The following STRN variants were observed in gnomAD, a reference collection of about 807,000 sequenced individuals.
The protein encoded by STRN is striatin.
In STRN, 53 loss-of-function variants were observed where a neutral mutation model predicts 96.3. That is an observed-to-expected ratio of 0.55 (90% confidence interval 0.44 to 0.69). The LOEUF (loss-of-function observed/expected upper bound fraction) is 0.69. Ranked by LOEUF, STRN falls within the 30% of genes least tolerant of loss-of-function variation. The pLI, the probability that STRN is intolerant of heterozygous loss-of-function variation, is 0.00. For synonymous variants in STRN, 428 were observed against 355.9 expected (o/e 1.20, Z -2.28); for missense variants, 987 against 963.9 (o/e 1.02, Z -0.32).
At chr2:36,855,053 A>G (rs1668310054) in intron 15 of STRN, among the ~76,000 whole-genome samples, 159 bp downstream of exon 15, 1 of 152,218 alleles carries the variant, frequency 6.6e-6, no homozygotes, top group African/African-American at 2.4e-5. Flanking sequence ...CCAAATTCTT[A>G]AAAGGTAAAT....
chr2:36,881,367 A>G (rs1193615168), intron 9 of STRN, among the ~76,000 whole-genome samples: 1 of 152,068 alleles, frequency 6.6e-6, no homozygotes. Context: ...GCCTCAAGTG[A>G]TCTGCCCACC....
chr2:36,948,495 CT>C (rs1386154135), intron 1 of STRN, among the ~76,000 whole-genome samples: 1 of 152,006 alleles, frequency 6.6e-6, no homozygotes, highest in Admixed American at 6.6e-5. Flanking sequence ...TAAATTTGGC[CT>C]TCTGTTAATT....
intron 1 of STRN, among the ~76,000 whole-genome samples, chr2:36,948,332 T>G (rs899937518): frequency 2.6e-5 from 4 of 151,928 alleles, no homozygotes; most frequent in African/African-American, 9.7e-5. Flanking sequence ...ACTCCTGACC[T>G]CAGGTGATCC....
In STRN at chr2:36,841,161, ATTCTT is replaced by A. The variant is rs1421918086; in HGVS notation, c.*8290_*8294del. Reference sequence around the variant, plus strand: ...TACAGCAATGAGAAATAAGGAGCACATTCTTTTTTTTTTTTTTTAATCAAATCGAT... The same window carrying A: ...TACAGCAATGAGAAATAAGGAGCACATTTTTTTTTTTTTAATCAAATCGAT... On this transcript the variant is annotated 3_prime_UTR_variant, in exon 18 of 18. Transcript: ENST00000263918. 1 of 141,296 alleles carries A rather than the reference ATTCTT, an allele frequency of 7.1e-6. No individual in the cohort carries two copies. The highest frequency in any genetic ancestry group is 2.6e-5 in the African/African-American group (1 of 38,602). The allele number at this position is 141,296 out of a possible 1,614,324, so 8.8% of individuals were successfully genotyped here.
intron 2 of STRN, among the ~76,000 whole-genome samples, chr2:36,924,248 T>G (rs1572678368): frequency 6.7e-6 from 1 of 149,002 alleles, no homozygotes; most frequent in Non-Finnish European, 1.5e-5. Context: ...CCCAGCTACT[T>G]GGGAGGCTGA....
At chr2:36,897,932 C>T (rs927208474) in intron 6 of STRN, among the ~76,000 whole-genome samples, 1 of 151,970 alleles carries the variant, frequency 6.6e-6, no homozygotes, top group Non-Finnish European at 1.5e-5. Context: ...CTCAAGTGAT[C>T]CTCCCACTTC....
chr2:36,933,497 T>C (rs191981921), intron 1 of STRN, among the ~76,000 whole-genome samples: 19 of 152,318 alleles, frequency 1.2e-4, no homozygotes, highest in East Asian at 1.9e-4. Flanking sequence ...ATGATATTCA[T>C]AGATTTAACA....
rs1420252766 is a variant in STRN, at chr2:36,869,745, A to T, written c.1324-16T>A. 1 of 1,571,436 alleles carries T rather than the reference A, an allele frequency of 6.4e-7. No individual in the cohort carries two copies. Among genetic ancestry groups the T allele is most frequent in the African/African-American group, 1.4e-5 (1 of 73,240 alleles). On this transcript the variant is annotated splice_polypyrimidine_tract_variant and intron_variant, in intron 10 of 17. Coordinates refer to ENST00000263918, the MANE Select transcript of STRN (RefSeq NM_003162.4). ...TGTTTGCTATCTATTAAAGAAACAA[A>T]ACAAAGATATCTACACACTTAGTTA...
intron 7 of STRN, among the ~76,000 whole-genome samples, chr2:36,890,428 G>T (rs1156766280): frequency 1.3e-5 from 2 of 150,778 alleles, no homozygotes; most frequent in Admixed American, 6.6e-5. Context: ...TTTATTGTGT[G>T]CTATGGTTAT....
chr2:36,920,223 T>A (rs1670215957), intron 2 of STRN, among the ~76,000 whole-genome samples: 1 of 152,090 alleles, frequency 6.6e-6, no homozygotes, highest in Non-Finnish European at 1.5e-5. Context: ...TCCTCAATAA[T>A]TTTTTTTAAA....
chr2:36,964,408 T>C (rs999524000), intron 1 of STRN, among the ~76,000 whole-genome samples: 1 of 152,146 alleles, frequency 6.6e-6, no homozygotes, highest in African/African-American at 2.4e-5. Flanking sequence ...GCCTTTAACA[T>C]TTCCTTGAAT....
intron 1 of STRN, among the ~76,000 whole-genome samples, chr2:36,931,768 C>G (rs1488758027): frequency 2.0e-5 from 3 of 152,214 alleles, no homozygotes; most frequent in Non-Finnish European, 4.4e-5. Flanking sequence ...CTATTTAACT[C>G]TGGAGTCAAG....
intron 1 of STRN, among the ~76,000 whole-genome samples, chr2:36,930,206 T>A (rs571774020): frequency 1.3e-5 from 2 of 152,166 alleles, no homozygotes; most frequent in South Asian, 4.1e-4. Context: ...CCGAGGCAGG[T>A]GGATCACCTG....
At position 36,915,232 on chromosome 2, in the gene STRN, AATATATATATATAT is replaced by A. The variant is rs72466696; in HGVS notation, c.412+832_412+845del. 6.5e-3 allele frequency among the ~76,000 whole-genome samples: 565 copies of A among 86,492 alleles called. 12 individuals are homozygous for A. The highest frequency in any genetic ancestry group is 0.02 in the South Asian group (42 of 2,136). 56.7% of individuals were successfully genotyped at this position (86,492 alleles called of 152,430 possible). ...AAAGGAAATTTAAACTGAATACATA[AATATATATATATAT>A]ATATATATATATATATATATATATA... On this transcript the variant is annotated intron_variant, in intron 3 of 17. Coordinates refer to ENST00000263918, the MANE Select transcript of STRN (RefSeq NM_003162.4).
chr2:36,913,134 C>T (rs899703983), intron 3 of STRN, among the ~76,000 whole-genome samples: 2 of 152,180 alleles, frequency 1.3e-5, no homozygotes, highest in Admixed American at 6.5e-5. Flanking sequence ...CCATCTCCAA[C>T]GTTGCTCCTC....
chr2:36,881,509 A>G (rs752345816), intron 9 of STRN, among the ~76,000 whole-genome samples: 3 of 152,244 alleles, frequency 2.0e-5, no homozygotes, highest in African/African-American at 7.2e-5. Context: ...ATTCTTTCTG[A>G]AAGTGGACTG....
At chr2:36,929,762 A>C (rs1436888319) in intron 1 of STRN, among the ~76,000 whole-genome samples, 1 of 152,226 alleles carries the variant, frequency 6.6e-6, no homozygotes, top group Non-Finnish European at 1.5e-5. Context: ...CTGAGAAGTA[A>C]ATTCAAAATG....
At chr2:36,854,916 T>C (rs1232234305) in intron 15 of STRN, among the ~76,000 whole-genome samples, 1 of 152,182 alleles carries the variant, frequency 6.6e-6, no homozygotes, top group East Asian at 1.9e-4. Context: ...GAATTTCCTA[T>C]TCAGAATAAA....
chr2:36,933,382 C>T (rs1218512920), intron 1 of STRN, among the ~76,000 whole-genome samples: 2 of 152,050 alleles, frequency 1.3e-5, no homozygotes, highest in South Asian at 2.1e-4. Flanking sequence ...ACCCTACAGA[C>T]ATCAAAGGAT....
Sources: gnomAD v4.1 joint callset for allele counts (sites outside exome capture counted in the v4.1 genomes callset) on GRCh38, gnomAD v4.1.1 for gene constraint, MANE v1.5 for transcripts, NCBI Gene and HGNC (gene_info 2026-07-23, HGNC 2026-07-21) for gene names.